The following ST6GALNAC5 variants were observed in gnomAD, a reference collection of about 807,000 sequenced individuals.
ST6GALNAC5 encodes the protein alpha-N-acetylgalactosaminide alpha-2,6-sialyltransferase 5.
Under a neutral mutation model 33.6 loss-of-function variants are expected in ST6GALNAC5, and 27 were observed. The observed-to-expected ratio is 0.80, with a 90% confidence interval of 0.59 to 1.11. The LOEUF is 1.11. Ranked by LOEUF, ST6GALNAC5 falls within the 50% of genes least tolerant of loss-of-function variation. The pLI, the probability that ST6GALNAC5 is intolerant of heterozygous loss-of-function variation, is 0.00. For missense variants in ST6GALNAC5, 428 were observed against 454.0 expected, an observed-to-expected ratio of 0.94 and a Z score of 0.52; for synonymous variants, 194 against 171.2, an observed-to-expected ratio of 1.13 and a Z score of -1.04.
At chr1:76,893,373 T>C (rs1313903623) in intron 2 of ST6GALNAC5, among the ~76,000 whole-genome samples, 1 of 152,118 alleles carries the variant, frequency 6.6e-6, no homozygotes, top group East Asian at 1.9e-4. Flanking sequence ...GAACCAGAAG[T>C]GGAAAATTAG....
chr1:76,868,454 T>C lies in ST6GALNAC5; in HGVS notation c.16-43T>C. On this transcript the variant is annotated intron_variant, in intron 1 of 4. Coordinates refer to ENST00000477717, the MANE Select transcript of ST6GALNAC5 (RefSeq NM_030965.3). This position sits in a 1 kb window ranked among gnomAD's most constrained non-coding sequence, Gnocchi z 4.3. ...CCGCTGGGCGCGCTCCTCCGGTGTC[T>C]GCGCTCAGCCGCTCTCCTCTTCTCT... The C allele has an allele frequency of 6.4e-7, 1 of 1,567,562 alleles. No homozygotes were observed.
chr1:76,874,743 G>T (rs1018034794), intron 2 of ST6GALNAC5, among the ~76,000 whole-genome samples: 57 of 152,096 alleles, frequency 3.7e-4, no homozygotes, highest in African/African-American at 1.2e-3. Flanking sequence ...ATCCCTTTTG[G>T]CAACACCCAC....
At chr1:77,011,972 G>A (rs1183575821) in intron 2 of ST6GALNAC5, among the ~76,000 whole-genome samples, 2 of 152,150 alleles carry the variant, frequency 1.3e-5, no homozygotes, top group Non-Finnish European at 2.9e-5. Context: ...TTACAGATGA[G>A]AAAAGACAGG....
intron 2 of ST6GALNAC5, among the ~76,000 whole-genome samples, chr1:76,976,617 A>G (rs1025656758): frequency 2.0e-5 from 3 of 152,190 alleles, no homozygotes; most frequent in Non-Finnish European, 2.9e-5. Flanking sequence ...TTGCAATACT[A>G]TGGGTCACAT....
At chr1:76,985,798 C>T (rs952182523) in intron 2 of ST6GALNAC5, among the ~76,000 whole-genome samples, 2 of 152,074 alleles carry the variant, frequency 1.3e-5, no homozygotes, top group Admixed American at 6.6e-5. Context: ...GATACTGGTA[C>T]CAAAACAGAT....
chr1:76,893,069 T>A (rs1392797605), intron 2 of ST6GALNAC5, among the ~76,000 whole-genome samples: 2 of 152,158 alleles, frequency 1.3e-5, no homozygotes, highest in East Asian at 3.9e-4. Context: ...ATATATGCAC[T>A]CTTTAATTTA....
intron 2 of ST6GALNAC5, among the ~76,000 whole-genome samples, chr1:76,999,961 G>T (rs1461896777): frequency 2.7e-5 from 3 of 112,442 alleles, no homozygotes; most frequent in African/African-American, 8.1e-5. Flanking sequence ...ACGTGTGCAT[G>T]TGTCTTTATA....
At chr1:76,985,044 C>G (rs927997741) in intron 2 of ST6GALNAC5, among the ~76,000 whole-genome samples, 1 of 152,092 alleles carries the variant, frequency 6.6e-6, no homozygotes, top group Non-Finnish European at 1.5e-5. Context: ...TATGACAAAC[C>G]CACACCCAAT....
At chr1:77,053,378 C>A (rs1026285076) in intron 4 of ST6GALNAC5, among the ~76,000 whole-genome samples, 1 of 152,146 alleles carries the variant, frequency 6.6e-6, no homozygotes, top group Admixed American at 6.6e-5. Flanking sequence ...TGTGTGTTTA[C>A]TTCAGTGTTG....
chr1:76,917,040 C>A (rs114225762), intron 2 of ST6GALNAC5, among the ~76,000 whole-genome samples: 2,040 of 152,224 alleles, frequency 0.013, 48 homozygotes, highest in African/African-American at 0.046. Flanking sequence ...TAGAATAACT[C>A]CCTCAGGGTG....
chr1:76,909,334 C>T (rs772145205), intron 2 of ST6GALNAC5, among the ~76,000 whole-genome samples: 1 of 152,036 alleles, frequency 6.6e-6, no homozygotes, highest in East Asian at 1.9e-4. Context: ...ACTTACACTC[C>T]CAAAGCCTCA....
At chr1:76,997,398 TG>T (rs547008277) in intron 2 of ST6GALNAC5, among the ~76,000 whole-genome samples, 20 of 152,164 alleles carry the variant, frequency 1.3e-4, no homozygotes, top group Non-Finnish European at 2.2e-4. Context: ...ACATGGAGTA[TG>T]GCAACAATGA....
chr1:76,887,150 G>A (rs1653916074), intron 2 of ST6GALNAC5, among the ~76,000 whole-genome samples: 1 of 152,010 alleles, frequency 6.6e-6, no homozygotes, highest in African/African-American at 2.4e-5. Context: ...ACACACAAAA[G>A]TAAAATAGAA....
At chr1:76,977,277 C>T (rs1649048979) in intron 2 of ST6GALNAC5, among the ~76,000 whole-genome samples, 1 of 151,974 alleles carries the variant, frequency 6.6e-6, no homozygotes, top group African/African-American at 2.4e-5. Context: ...AGGTTAATTA[C>T]CGTATTTGTT....
chr1:76,965,986 G>A (rs1037149359), intron 2 of ST6GALNAC5, among the ~76,000 whole-genome samples: 8 of 152,082 alleles, frequency 5.3e-5, no homozygotes, highest in African/African-American at 1.7e-4. Flanking sequence ...TGGTACCAGT[G>A]CCATGCTGTT....
At chr1:77,017,150 CAAAAAA>C (rs11304509) in intron 2 of ST6GALNAC5, among the ~76,000 whole-genome samples, 1 of 104,734 alleles carries the variant, frequency 9.5e-6, no homozygotes, top group Non-Finnish European at 2.1e-5. Context: ...CAGGAAAAGG[CAAAAAA>C]AAAAAAAAAA....
At chr1:76,938,871 A>T (rs766115141) in intron 2 of ST6GALNAC5, among the ~76,000 whole-genome samples, 3 of 152,126 alleles carry the variant, frequency 2.0e-5, no homozygotes, top group Non-Finnish European at 4.4e-5. Context: ...TGTGCATAAC[A>T]TTCCAAATAT....
chr1:76,881,691 A>G (rs1010185341), intron 2 of ST6GALNAC5, among the ~76,000 whole-genome samples: 20 of 152,228 alleles, frequency 1.3e-4, no homozygotes, highest in Non-Finnish European at 2.6e-4. Context: ...TGTTTCTTCT[A>G]AAATAAGCCT....
At chr1:76,882,532 G>A (rs1360690371) in intron 2 of ST6GALNAC5, among the ~76,000 whole-genome samples, 1 of 152,138 alleles carries the variant, frequency 6.6e-6, no homozygotes, top group Non-Finnish European at 1.5e-5. Context: ...CCTGATCATT[G>A]CTACAGCTCT....
Sources: allele counts gnomAD v4.1 joint callset (sites outside exome capture counted in the v4.1 genomes callset), GRCh38; gene constraint gnomAD v4.1.1; non-coding constraint Gnocchi (gnomAD v3.1); transcripts MANE v1.5; gene names NCBI Gene and HGNC (gene_info 2026-07-23, HGNC 2026-07-21).